The following TGFA variants were observed in gnomAD, a reference collection of about 807,000 sequenced individuals.
TGFA encodes the protein transforming growth factor alpha.
In TGFA, 12 loss-of-function variants were observed where a neutral mutation model predicts 21.7. That is an observed-to-expected ratio of 0.55 (90% confidence interval 0.35 to 0.90). The LOEUF (loss-of-function observed/expected upper bound fraction) is 0.90. Among genes scored for constraint, TGFA ranks in the 40% least tolerant of loss-of-function variants. The pLI, the probability that TGFA is intolerant of heterozygous loss-of-function variation, is 0.01. For synonymous variants in TGFA, 79 were observed against 88.1 expected (o/e 0.90, Z 0.58); for missense variants, 178 against 210.8 (o/e 0.84, Z 0.96).
chr2:70,466,980 C>A (rs1160735013), intron 2 of TGFA, among the ~76,000 whole-genome samples: 2 of 151,962 alleles, frequency 1.3e-5, no homozygotes, highest in African/African-American at 4.8e-5. Context: ...GGGAGCTGAA[C>A]AAAGAGAACA....
chr2:70,490,917 G>A (rs1353472384), intron 2 of TGFA, among the ~76,000 whole-genome samples: 1 of 152,066 alleles, frequency 6.6e-6, no homozygotes, highest in African/African-American at 2.4e-5. Context: ...TTCAATTCAA[G>A]CCATTCATAA....
intron 2 of TGFA, among the ~76,000 whole-genome samples, chr2:70,488,536 T>C (rs1671333914): frequency 1.3e-5 from 2 of 152,224 alleles, no homozygotes; most frequent in Non-Finnish European, 2.9e-5. Flanking sequence ...TCTGTTTCTG[T>C]ACCAGCACCA....
intron 2 of TGFA, among the ~76,000 whole-genome samples, chr2:70,504,003 T>G (rs1327997412): frequency 6.6e-6 from 1 of 152,174 alleles, no homozygotes; most frequent in South Asian, 2.1e-4. Context: ...AAAAGACTCT[T>G]TTAGGAAACA....
At chr2:70,526,454 T>C (rs1178694803) in intron 1 of TGFA, among the ~76,000 whole-genome samples, 1 of 152,210 alleles carries the variant, frequency 6.6e-6, no homozygotes, top group East Asian at 1.9e-4. Flanking sequence ...TACATGTTCT[T>C]ACCAGCCACG....
intron 1 of TGFA, among the ~76,000 whole-genome samples, chr2:70,526,163 T>C (rs545933136): frequency 7.2e-5 from 11 of 152,340 alleles, no homozygotes; most frequent in South Asian, 6.2e-4. Flanking sequence ...GAATGCTTTT[T>C]CCTGTCAGCT....
chr2:70,526,179 C>T (rs782016279), intron 1 of TGFA, among the ~76,000 whole-genome samples: 2 of 152,168 alleles, frequency 1.3e-5, no homozygotes, highest in South Asian at 2.1e-4. Flanking sequence ...CAGCTCTTCC[C>T]TCTATTCTCC....
intron 2 of TGFA, among the ~76,000 whole-genome samples, chr2:70,499,721 G>GT (rs1348527821): frequency 8.5e-5 from 13 of 152,226 alleles, no homozygotes; most frequent in African/African-American, 3.1e-4. Context: ...GGGTTCATCC[G>GT]TATGCAGAGC....
Position 70,540,148 on chromosome 2 carries a change from C to T in TGFA, c.40+13580G>A, listed in dbSNP as rs115850682. ...AATGGCCAGAGAACAGAGAGAGAAA[C>T]GTGGTAAGTAATCCTTCCCTTCAAC... is the stretch of plus-strand genomic sequence containing the variant. On this transcript the variant is annotated intron_variant, in intron 1 of 5. Coordinates refer to ENST00000295400, the MANE Select transcript of TGFA (RefSeq NM_003236.4). Among the ~76,000 whole-genome samples, 1,245 of 152,262 alleles carry T rather than the reference C, an allele frequency of 8.2e-3. 21 individuals are homozygous for T. The highest frequency in any genetic ancestry group is 0.028 in the African/African-American group (1,172 of 41,536).
intron 1 of TGFA, among the ~76,000 whole-genome samples, chr2:70,526,732 CT>C (rs1672647923): frequency 6.6e-6 from 1 of 152,096 alleles, no homozygotes; most frequent in Admixed American, 6.5e-5. Flanking sequence ...TCCCCTTTAA[CT>C]TTTGCTGGGG....
intron 1 of TGFA, among the ~76,000 whole-genome samples, chr2:70,521,171 C>T (rs1172017952): frequency 6.6e-6 from 1 of 152,156 alleles, no homozygotes; most frequent in African/African-American, 2.4e-5. Flanking sequence ...CTAAGCTCTC[C>T]ATGGGCTCTG....
intron 1 of TGFA, among the ~76,000 whole-genome samples, chr2:70,549,100 G>T (rs1281261451): frequency 6.6e-6 from 1 of 152,192 alleles, no homozygotes. Flanking sequence ...ACAACGGTCA[G>T]CTTTTGGTAA....
At position 70,450,679 on chromosome 2, in the gene TGFA, C is replaced by T. The variant is rs912553618; in HGVS notation, c.*180G>A. On this transcript the variant is annotated 3_prime_UTR_variant, in exon 6 of 6. Coordinates refer to ENST00000295400, the MANE Select transcript of TGFA (RefSeq NM_003236.4). ...TTCTTCTCTAGGTCACACTGAATAA[C>T]CCCAAGCAGACGGAGTTCTTGACAG... The T allele has an allele frequency of 1.5e-5, 10 of 651,054 alleles. No homozygotes were observed. The highest frequency in any genetic ancestry group is 2.7e-5 in the Non-Finnish European group (10 of 366,086). The allele number at this position is 651,054 out of a possible 1,614,324, so 40.3% of individuals were successfully genotyped here.
chr2:70,458,995 A>AAGGGTT (rs1293842688), intron 3 of TGFA, among the ~76,000 whole-genome samples: 1 of 152,192 alleles, frequency 6.6e-6, no homozygotes, highest in Non-Finnish European at 1.5e-5. Flanking sequence ...CTTCTATGCA[A>AAGGGTT]AGGGTTAGGG....
intron 2 of TGFA, among the ~76,000 whole-genome samples, chr2:70,504,475 T>TACACACAC (rs1157231918): frequency 3.6e-5 from 3 of 83,854 alleles, no homozygotes; most frequent in African/African-American, 1.6e-4. Flanking sequence ...CACACATACA[T>TACACACAC]ACATACATAC....
intron 1 of TGFA, among the ~76,000 whole-genome samples, chr2:70,548,106 A>T (rs1553506271): frequency 6.6e-6 from 1 of 152,212 alleles, no homozygotes; most frequent in Non-Finnish European, 1.5e-5. Flanking sequence ...TACCAGCATT[A>T]GTGATGCAAG....
chr2:70,520,569 C>G (rs1672415855), intron 1 of TGFA, among the ~76,000 whole-genome samples: 1 of 152,020 alleles, frequency 6.6e-6, no homozygotes, highest in South Asian at 2.1e-4. Context: ...TTATTTAGCA[C>G]CTACATACTG....
chr2:70,493,787 G>A (rs1671502094), intron 2 of TGFA, among the ~76,000 whole-genome samples: 1 of 152,216 alleles, frequency 6.6e-6, no homozygotes, highest in African/African-American at 2.4e-5. Context: ...AAGAAAAGGA[G>A]CTCTAAAGAG....
chr2:70,521,613 G>GTTTTTTTTTTTTTTTTTTT (rs59567780), intron 1 of TGFA, among the ~76,000 whole-genome samples: 49 of 74,058 alleles, frequency 6.6e-4, no homozygotes, highest in South Asian at 1.7e-3. Flanking sequence ...GTTGTTGTTT[G>GTTTTTTTTTTTTTTTTTTT]TTTGTTTTTT....
chr2:70,451,667 T>C (rs1670062902), intron 5 of TGFA: 2 of 671,792 alleles, frequency 3.0e-6, no homozygotes, highest in African/African-American at 3.6e-5. Context: ...CTATTACAAA[T>C]TTTCTTAAAA....
Sources: allele counts gnomAD v4.1 joint callset (sites outside exome capture counted in the v4.1 genomes callset), GRCh38; gene constraint gnomAD v4.1.1; transcripts MANE v1.5; gene names NCBI Gene and HGNC (gene_info 2026-07-23, HGNC 2026-07-21).